The following KIAA0232 variants were observed in gnomAD, a reference collection of about 807,000 sequenced individuals.
KIAA0232 encodes KIAA0232, also known as uncharacterized protein KIAA0232.
In KIAA0232, 27 loss-of-function variants were observed where a neutral mutation model predicts 122.0. That is an observed-to-expected ratio of 0.22 (90% CI 0.16 to 0.31). KIAA0232 has a LOEUF of 0.31. Among genes scored for constraint, KIAA0232 ranks in the 10% least tolerant of loss-of-function variants. The pLI, the probability that KIAA0232 is intolerant of heterozygous loss-of-function variation, is 1.00. For synonymous variants in KIAA0232, 613 were observed against 587.6 expected, an observed-to-expected ratio of 1.04 and a Z score of -0.63; for missense variants, 1,551 against 1,634.2, an observed-to-expected ratio of 0.95 and a Z score of 0.88.
chr4:6,783,580 C>T (rs1284117881), intron 1 of KIAA0232, among the ~76,000 whole-genome samples: 2 of 151,990 alleles, frequency 1.3e-5, no homozygotes, highest in Admixed American at 6.5e-5. Flanking sequence ...CAGCATTGTC[C>T]TTTTGGGGCC....
chr4:6,837,177 G>T (rs1234598491), intron 3 of KIAA0232, among the ~76,000 whole-genome samples: 22 of 151,150 alleles, frequency 1.5e-4, no homozygotes, highest in Admixed American at 1.4e-3. Context: ...GGGCGGAGGG[G>T]CTCCTCACTT....
intron 2 of KIAA0232, among the ~76,000 whole-genome samples, chr4:6,821,563 T>C (rs1305324697): frequency 6.6e-6 from 1 of 152,128 alleles, no homozygotes; most frequent in African/African-American, 2.4e-5. Context: ...TCGTTCCTTT[T>C]TGTGGCTGAG....
intron 4 of KIAA0232, among the ~76,000 whole-genome samples, chr4:6,845,765 C>G (rs1376245457): frequency 1.3e-5 from 2 of 152,070 alleles, no homozygotes; most frequent in Non-Finnish European, 2.9e-5. Flanking sequence ...GCCTTTGACT[C>G]ACGGTTAAGC....
At chr4:6,797,708 G>T (rs1465707273) in intron 1 of KIAA0232, among the ~76,000 whole-genome samples, 1 of 149,322 alleles carries the variant, frequency 6.7e-6, no homozygotes, top group African/African-American at 2.5e-5. Context: ...CCAGGCTGCA[G>T]TGAGCCATGA....
intron 4 of KIAA0232, among the ~76,000 whole-genome samples, chr4:6,852,026 T>C (rs1483515101): frequency 6.6e-6 from 1 of 152,224 alleles, no homozygotes; most frequent in Non-Finnish European, 1.5e-5. Flanking sequence ...CTATTTTTTG[T>C]TGAAAACTTT....
chr4:6,795,803 C>T (rs1189260472), intron 1 of KIAA0232, among the ~76,000 whole-genome samples: 1 of 152,194 alleles, frequency 6.6e-6, no homozygotes, highest in Non-Finnish European at 1.5e-5. Flanking sequence ...GTTGCCCAGG[C>T]TGAGCTCAAA....
Position 6,824,567 on chromosome 4 carries a change from A to G in KIAA0232, c.114A>G (p.Pro38=), listed in dbSNP as rs752551656. 6 of 1,614,216 alleles carry G rather than the reference A, an allele frequency of 3.7e-6. No homozygotes were observed. Among genetic ancestry groups the G allele is most frequent in the Non-Finnish European group, 5.1e-6 (6 of 1,180,034 alleles). ...SEMSLLHALG[P]VQTWLGQELE... ...TGTCTCTGCTTCATGCTTTGGGTCC[A>G]GTGCAGACCTGGCTGGGACAAGAGC... The change falls in exon 3 of 10, where the codon CCA becomes CCG. Residue 38 remains proline (P), a synonymous_variant. Transcript: ENST00000307659.
chr4:6,842,467 T>C (rs1719715046), intron 4 of KIAA0232, among the ~76,000 whole-genome samples: 1 of 152,188 alleles, frequency 6.6e-6, no homozygotes, highest in East Asian at 1.9e-4. Context: ...TATTTCATCC[T>C]GTTATTACAT....
At chr4:6,844,923 A>G (rs901782272) in intron 4 of KIAA0232, among the ~76,000 whole-genome samples, 1 of 152,240 alleles carries the variant, frequency 6.6e-6, no homozygotes, top group Non-Finnish European at 1.5e-5. Context: ...GCCAAGTGCT[A>G]AAAGTATAGC....
intron 1 of KIAA0232, among the ~76,000 whole-genome samples, chr4:6,799,231 T>C (rs1049536991): frequency 1.3e-5 from 2 of 151,120 alleles, no homozygotes; most frequent in Non-Finnish European, 2.9e-5. Context: ...ATTTCCCTCT[T>C]CTTATAAGGA....
intron 2 of KIAA0232, among the ~76,000 whole-genome samples, chr4:6,807,161 A>G (rs1463833020): frequency 6.6e-6 from 1 of 152,014 alleles, no homozygotes; most frequent in East Asian, 1.9e-4. Context: ...CAGCTTCTCC[A>G]ATAGCTAGGA....
intron 5 of KIAA0232, among the ~76,000 whole-genome samples, chr4:6,857,609 C>T (rs1289607570): frequency 1.3e-5 from 2 of 152,086 alleles, no homozygotes; most frequent in Admixed American, 6.5e-5. Flanking sequence ...TTAATATCTG[C>T]CTGTTGATGT....
rs1336129824 is a variant in KIAA0232 at position 6,855,063 on chromosome 4, GATTTTTT to G, written c.370-2079_370-2073del. Among the ~76,000 whole-genome samples the G allele has an allele frequency of 7.2e-5, 11 of 151,956 alleles. No individual in the cohort carries two copies. Among genetic ancestry groups the G allele is most frequent in the South Asian group, 2.1e-4 (1 of 4,802 alleles). ...TGTGATGGTGACCCAGGGTTCTCATGATTTTTTATTTTTTATTTTTTATTTTTTTTTA... is the reference window on the plus strand; with the variant it reads ...TGTGATGGTGACCCAGGGTTCTCATGATTTTTTATTTTTTATTTTTTTTTA... On this transcript the variant is annotated intron_variant, in intron 4 of 9. Coordinates refer to ENST00000307659, the MANE Select transcript of KIAA0232 (RefSeq NM_014743.3). This position sits in a 1 kb window ranked among gnomAD's most constrained non-coding sequence, Gnocchi z 4.3.
chr4:6,794,856 T>G (rs1717061626), intron 1 of KIAA0232, among the ~76,000 whole-genome samples: 2 of 152,120 alleles, frequency 1.3e-5, no homozygotes, highest in South Asian at 4.1e-4. Context: ...CAGGGTTGTG[T>G]TGTTTGGCTT....
At chr4:6,805,017 C>T (rs960802673) in intron 2 of KIAA0232, among the ~76,000 whole-genome samples, 1 of 152,160 alleles carries the variant, frequency 6.6e-6, no homozygotes, top group African/African-American at 2.4e-5. Flanking sequence ...TGCAATAAAC[C>T]TGCTCTTGTT....
intron 3 of KIAA0232, among the ~76,000 whole-genome samples, chr4:6,832,049 T>C (rs1719013435): frequency 2.0e-5 from 3 of 152,188 alleles, no homozygotes; most frequent in Admixed American, 2.0e-4. Flanking sequence ...GTAGGTTTGG[T>C]TTGTCTTTGT....
chr4:6,863,584 C>T lies in KIAA0232; in HGVS notation c.3202C>T (p.Pro1068Ser), dbSNP rs1475722353. 1 of 1,613,960 alleles carries T rather than the reference C, an allele frequency of 6.2e-7. No individual in the cohort carries two copies. Among genetic ancestry groups the T allele is most frequent in the Non-Finnish European group, 8.5e-7 (1 of 1,180,024 alleles). ...ACCTGAAGGGATTGCATCTTTCAGC[C>T]CCAGTTTTAAACCGAAATCAATCCT... Reference protein sequence around the residue: ...FEPEGIASFSPSFKPKSILCS... With the variant: ...FEPEGIASFSSSFKPKSILCS... The change falls in exon 7 of 10, where the codon CCC becomes TCC. Residue 1068 changes from proline to serine, a missense_variant. Transcript: ENST00000307659.
At chr4:6,819,228 T>C (rs992160342) in intron 2 of KIAA0232, among the ~76,000 whole-genome samples, 1 of 152,168 alleles carries the variant, frequency 6.6e-6, no homozygotes, top group Non-Finnish European at 1.5e-5. Flanking sequence ...AAATGAGATC[T>C]AATTAAGCCA....
At chr4:6,846,333 G>A (rs865823028) in intron 4 of KIAA0232, among the ~76,000 whole-genome samples, 1 of 152,184 alleles carries the variant, frequency 6.6e-6, no homozygotes, top group Non-Finnish European at 1.5e-5. Context: ...GCCATGGACA[G>A]GTACCAGTAC....
Sources: allele counts gnomAD v4.1 joint callset (sites outside exome capture counted in the v4.1 genomes callset), GRCh38; gene constraint gnomAD v4.1.1; non-coding constraint Gnocchi (gnomAD v3.1); transcripts MANE v1.5; gene names NCBI Gene and HGNC (gene_info 2026-07-23, HGNC 2026-07-21).